PCDHGB3: variants seen among roughly 807,000 people sequenced by gnomAD.
The protein encoded by PCDHGB3 is protocadherin gamma-B3.
Under a neutral mutation model 59.2 loss-of-function variants are expected in PCDHGB3, and 40 were observed. The ratio of observed to expected loss-of-function variants is 0.68; its 90% CI spans 0.52 to 0.88. The LOEUF is 0.88. Ranked by LOEUF, PCDHGB3 falls within the 40% of genes least tolerant of loss-of-function variation. The pLI is 0.00. For synonymous variants in PCDHGB3, 581 were observed against 503.6 expected, an observed-to-expected ratio of 1.15 and a Z score of -2.06; for missense variants, 1,309 against 1,187.9, an observed-to-expected ratio of 1.10 and a Z score of -1.50.
At chr5:141,470,795 C>T (rs947636574) in intron 1 of PCDHGB3, among the ~76,000 whole-genome samples, 2 of 152,182 alleles carry the variant, frequency 1.3e-5, no homozygotes, top group Non-Finnish European at 2.9e-5. Context: ...TCAAGCAATC[C>T]TCCCACTTCA....
chr5:141,371,768 C>G lies in PCDHGB3; in HGVS notation c.1374C>G (p.Thr458=). The change falls in exon 1 of 4, where the codon ACC becomes ACG. Residue 458 remains threonine (T), a synonymous_variant. Transcript: ENST00000576222. Reference sequence around the variant, plus strand: ...CCGTTTTCCACCAGGCCTCCTACACCGTGCATGTAGCTGAGAACAATCCGC... The same window carrying G: ...CCGTTTTCCACCAGGCCTCCTACACGGTGCATGTAGCTGAGAACAATCCGC... The part of the protein sequence containing the change: ...NVPVFHQASY[T]VHVAENNPPG... The G allele has an allele frequency of 6.2e-7, 1 of 1,614,032 alleles. No homozygotes were observed. Among genetic ancestry groups the G allele is most frequent in the East Asian group, 2.2e-5 (1 of 44,878 alleles).
At chr5:141,417,635 G>A in intron 1 of PCDHGB3, 1 of 724,902 alleles carries the variant, frequency 1.4e-6, no homozygotes, top group Non-Finnish European at 2.1e-6. Context: ...CTGACGCCGG[G>A]GATCCCTCAG....
intron 1 of PCDHGB3, chr5:141,428,889 C>G (rs1486441305): frequency 1.3e-5 from 2 of 150,826 alleles, no homozygotes; most frequent in African/African-American, 4.9e-5. Flanking sequence ...GAGTCTCGCT[C>G]TGTGGTCCAG....
intron 1 of PCDHGB3, chr5:141,426,591 A>G: frequency 1.4e-5 from 5 of 369,676 alleles, no homozygotes; most frequent in South Asian, 7.9e-5. Context: ...CCTCTGTGTC[A>G]TACCCTTAGA....
chr5:141,405,330 T>A, intron 1 of PCDHGB3: 1 of 1,614,206 alleles, frequency 6.2e-7, no homozygotes. Flanking sequence ...CCTTTGTGCG[T>A]CTCTGTTGAT....
intron 1 of PCDHGB3, chr5:141,419,312 G>A (rs35892780): frequency 1.2e-6 from 2 of 1,613,962 alleles, no homozygotes; most frequent in South Asian, 2.2e-5. Context: ...CGGGCTCAAC[G>A]GCCGTGTCTC....
chr5:141,428,731 A>G (rs1290064919), intron 1 of PCDHGB3: 1 of 159,494 alleles, frequency 6.3e-6, no homozygotes, highest in Non-Finnish European at 1.4e-5. Context: ...TCTTAAACAT[A>G]TTATATCTAC....
At chr5:141,504,384 C>G (rs2099837898) in intron 2 of PCDHGB3, among the ~76,000 whole-genome samples, 1 of 152,026 alleles carries the variant, frequency 6.6e-6, no homozygotes, top group South Asian at 2.1e-4. Flanking sequence ...GAGTCGCTGC[C>G]TCACAGAAGC....
rs888836155 is a variant in PCDHGB3, at chr5:141,512,011, A to C, written c.*838A>C. The C allele has an allele frequency of 1.3e-5, 2 of 152,946 alleles. No homozygotes were observed. The highest frequency in any genetic ancestry group is 6.5e-5 in the Admixed American group (1 of 15,300). The allele number at this position is 152,946 out of a possible 1,614,324, so 9.5% of individuals were successfully genotyped here. ...GGCATGGACAAAGCTTGACACATCA[A>C]GTTATCAAGGCCTTGGAGGAGGCTC... On this transcript the variant is annotated 3_prime_UTR_variant, in exon 4 of 4. Coordinates refer to ENST00000576222, the MANE Select transcript of PCDHGB3 (RefSeq NM_018924.5).
intron 1 of PCDHGB3, chr5:141,478,841 A>G (rs1335486924): frequency 1.4e-5 from 19 of 1,405,590 alleles, no homozygotes; most frequent in Non-Finnish European, 1.8e-5. Flanking sequence ...GGGATGGTTA[A>G]GCTAAAACAC....
intron 1 of PCDHGB3, chr5:141,374,413 C>A (rs773364230): frequency 3.1e-6 from 5 of 1,613,972 alleles, no homozygotes; most frequent in Non-Finnish European, 3.4e-6. Flanking sequence ...ACATCCTTGT[C>A]GAGGATAAAC....
chr5:141,498,880 C>G (rs1334510457), intron 2 of PCDHGB3, among the ~76,000 whole-genome samples: 1 of 150,028 alleles, frequency 6.7e-6, no homozygotes, highest in African/African-American at 2.4e-5. Flanking sequence ...TTGCAGTGAG[C>G]TGAGATCACA....
intron 1 of PCDHGB3, chr5:141,419,098 G>A (rs993605209): frequency 8.7e-6 from 14 of 1,613,812 alleles, no homozygotes; most frequent in African/African-American, 2.7e-5. Context: ...TGGATCGGGA[G>A]CAGACCCCAG....
chr5:141,468,180 C>T (rs1053758210), intron 1 of PCDHGB3, among the ~76,000 whole-genome samples: 4 of 151,744 alleles, frequency 2.6e-5, no homozygotes, highest in Non-Finnish European at 5.9e-5. Context: ...GAAAAATTTG[C>T]TGGGCATGGT....
chr5:141,471,046 C>CTT (rs1170588345), intron 1 of PCDHGB3, among the ~76,000 whole-genome samples: 26 of 113,248 alleles, frequency 2.3e-4, no homozygotes, highest in Non-Finnish European at 3.0e-4. Context: ...CCCAAGCCCT[C>CTT]TTTTTTTTTT....
At chr5:141,505,127 A>C (rs926566427) in intron 2 of PCDHGB3, among the ~76,000 whole-genome samples, 1 of 152,158 alleles carries the variant, frequency 6.6e-6, no homozygotes, top group Non-Finnish European at 1.5e-5. Context: ...GCGCCACTGC[A>C]CTCCAGCCTG....
Position 141,410,300 on chromosome 5 carries a change from T to A in PCDHGB3, c.2415+37491T>A, listed in dbSNP as rs1233506038. 4 of 1,614,022 alleles carry A rather than the reference T, an allele frequency of 2.5e-6. No individual in the cohort carries two copies. In the Admixed American group the frequency reaches 6.7e-5, roughly 27 times the overall value. ...CCTGGTGGTGGCCTTGGCCTTAATC[T>A]CAGTGCTCTTCCTCCTCGCCGTGAT... On this transcript the variant is annotated intron_variant, in intron 1 of 3. Coordinates refer to ENST00000576222, the MANE Select transcript of PCDHGB3 (RefSeq NM_018924.5).
In PCDHGB3 at chr5:141,419,984, C is replaced by A. The variant is rs918632592; in HGVS notation, c.2415+47175C>A. ...TGTGCTCTTTCTCCTCGCGGTGATT[C>A]TAGCTATTGCTCTACGCCTGCGACA... On this transcript the variant is annotated intron_variant, in intron 1 of 3. Transcript: ENST00000576222. 27 of 1,613,962 alleles carry A rather than the reference C, an allele frequency of 1.7e-5. No individual in the cohort carries two copies. The highest frequency in any genetic ancestry group is 2.2e-5 in the Non-Finnish European group (26 of 1,179,912).
rs756706355 is a variant in PCDHGB3 at position 141,486,950 on chromosome 5, G to A, written c.2416-7857G>A. On this transcript the variant is annotated intron_variant, in intron 1 of 3. Transcript: ENST00000576222. This position sits in a 1 kb window ranked among gnomAD's most constrained non-coding sequence, Gnocchi z 5.0. The stretch of plus-strand genomic sequence containing the variant: ...TGGTGCTGGCCACCTAATCACAAAG[G>A]TGACTGCTGTGGACTTGGATTCAGG... 2 of 1,614,202 alleles carry A rather than the reference G, an allele frequency of 1.2e-6. No homozygotes were observed. The highest frequency in any genetic ancestry group is 1.7e-6 in the Non-Finnish European group (2 of 1,180,044).
Sources: gnomAD v4.1 joint callset for allele counts (sites outside exome capture counted in the v4.1 genomes callset) on GRCh38, gnomAD v4.1.1 for gene constraint, Gnocchi (gnomAD v3.1) non-coding constraint, MANE v1.5 for transcripts, NCBI Gene and HGNC (gene_info 2026-07-23, HGNC 2026-07-21) for gene names.